The following SH3D19 variants were observed in gnomAD, a reference collection of about 807,000 sequenced individuals.
SH3D19 encodes the protein SH3 domain containing 19.
SH3D19 carries 58 observed loss-of-function variants against 112.1 expected under a neutral mutation model. That is an observed-to-expected ratio of 0.52 (90% CI 0.42 to 0.64). The LOEUF (loss-of-function observed/expected upper bound fraction) is 0.64. SH3D19 is among the 30% of genes least tolerant of loss of function. The pLI is 0.00. For synonymous variants in SH3D19, 391 were observed against 448.5 expected, an observed-to-expected ratio of 0.87 and a Z score of 1.62; for missense variants, 1,090 against 1,263.4, an observed-to-expected ratio of 0.86 and a Z score of 2.08.
At chr4:151,215,055 C>G (rs1358777485) in intron 2 of SH3D19, among the ~76,000 whole-genome samples, 1 of 148,798 alleles carries the variant, frequency 6.7e-6, no homozygotes, top group Admixed American at 6.7e-5. Context: ...AAAGGCGCTC[C>G]CCACATCTCA....
At chr4:151,209,496 T>A (rs1248675701) in intron 2 of SH3D19, among the ~76,000 whole-genome samples, 3 of 152,050 alleles carry the variant, frequency 2.0e-5, no homozygotes, top group Non-Finnish European at 4.4e-5. Context: ...GCCAGGCTGG[T>A]CCCGAACTCC....
intron 1 of SH3D19, among the ~76,000 whole-genome samples, chr4:151,257,592 T>C (rs1258588541): frequency 6.6e-6 from 1 of 151,756 alleles, no homozygotes; most frequent in Non-Finnish European, 1.5e-5. Context: ...ATGTTATTAA[T>C]CATCATCATC....
At chr4:151,132,795 C>A (rs1751003166) in intron 16 of SH3D19, among the ~76,000 whole-genome samples, 1 of 152,108 alleles carries the variant, frequency 6.6e-6, no homozygotes, top group African/African-American at 2.4e-5. Flanking sequence ...GCCATCATAC[C>A]CAGCCTCTTT....
At chr4:151,132,414 G>A in intron 16 of SH3D19, 31 bp from the exon 17 acceptor site, 1 of 1,601,306 alleles carries the variant, frequency 6.2e-7, no homozygotes, top group Non-Finnish European at 8.5e-7. Context: ...AACACAAGAA[G>A]TCAGAACATT....
intron 1 of SH3D19, among the ~76,000 whole-genome samples, chr4:151,265,908 T>C (rs980830093): frequency 6.6e-6 from 1 of 152,070 alleles, no homozygotes; most frequent in Non-Finnish European, 1.5e-5. Flanking sequence ...TACAGCAGCT[T>C]TGGAAAATTA....
intron 1 of SH3D19, among the ~76,000 whole-genome samples, chr4:151,238,916 C>A (rs1025313256): frequency 6.6e-6 from 1 of 152,112 alleles, no homozygotes; most frequent in Non-Finnish European, 1.5e-5. Context: ...CATTAACTTC[C>A]ATCCAGACAA....
chr4:151,187,991 C>G (rs187647056), intron 2 of SH3D19, among the ~76,000 whole-genome samples: 6 of 152,252 alleles, frequency 3.9e-5, no homozygotes, highest in Admixed American at 6.5e-5. Flanking sequence ...TCTCTCTCCC[C>G]CTTCTTTCTC....
intron 4 of SH3D19, among the ~76,000 whole-genome samples, chr4:151,177,961 C>T (rs1350950417): frequency 1.3e-5 from 2 of 152,208 alleles, no homozygotes; most frequent in Non-Finnish European, 2.9e-5. Flanking sequence ...CAGGGCCTCA[C>T]TCTGTTGCCC....
chr4:151,292,041 G>C (rs1775377754), intron 1 of SH3D19, among the ~76,000 whole-genome samples: 1 of 152,206 alleles, frequency 6.6e-6, no homozygotes, highest in Non-Finnish European at 1.5e-5. Context: ...AGGCATGTTG[G>C]CTCACACCTG....
intron 1 of SH3D19, among the ~76,000 whole-genome samples, chr4:151,313,065 G>T (rs1438629541): frequency 6.8e-6 from 1 of 147,084 alleles, no homozygotes; most frequent in East Asian, 2.0e-4. Flanking sequence ...CTCCAGCCTG[G>T]GCAATGAGCG....
intron 3 of SH3D19, among the ~76,000 whole-genome samples, chr4:151,179,692 T>C (rs1008279589): frequency 6.6e-6 from 1 of 152,192 alleles, no homozygotes; most frequent in African/African-American, 2.4e-5. Context: ...AGCTATTAAA[T>C]ATAAATTGCA....
At chr4:151,197,763 A>G (rs1763691855) in intron 2 of SH3D19, among the ~76,000 whole-genome samples, 1 of 152,086 alleles carries the variant, frequency 6.6e-6, no homozygotes, top group Admixed American at 6.6e-5. Context: ...CTAATAAGGG[A>G]TAATAGTGGT....
intron 17 of SH3D19, among the ~76,000 whole-genome samples, chr4:151,130,202 G>A (rs992274154): frequency 6.6e-6 from 1 of 152,160 alleles, no homozygotes; most frequent in Non-Finnish European, 1.5e-5. Flanking sequence ...AGTACCTTGG[G>A]AGGCTGAGGC....
At chr4:151,250,704 C>T (rs1258743534) in intron 1 of SH3D19, among the ~76,000 whole-genome samples, 2 of 152,144 alleles carry the variant, frequency 1.3e-5, no homozygotes, top group African/African-American at 4.8e-5. Context: ...AGGAGTCAAA[C>T]CTATTAATAT....
chr4:151,305,579 A>C (rs1728839164), intron 1 of SH3D19, among the ~76,000 whole-genome samples: 1 of 152,232 alleles, frequency 6.6e-6, no homozygotes, highest in Admixed American at 6.5e-5. Context: ...ATTAGCCAAA[A>C]GGAAAATGTA....
At chr4:151,189,017 A>G (rs1005054255) in intron 2 of SH3D19, among the ~76,000 whole-genome samples, 5 of 152,206 alleles carry the variant, frequency 3.3e-5, no homozygotes, top group East Asian at 1.9e-4. Flanking sequence ...GAAATCACCT[A>G]TGAGTTTCAG....
intron 2 of SH3D19, among the ~76,000 whole-genome samples, chr4:151,225,255 A>G (rs1343493447): frequency 2.0e-5 from 3 of 152,220 alleles, no homozygotes; most frequent in Non-Finnish European, 4.4e-5. Flanking sequence ...TAAAACATCA[A>G]AAAAGGTGGT....
intron 1 of SH3D19, among the ~76,000 whole-genome samples, chr4:151,270,831 A>C (rs761729779): frequency 6.6e-6 from 1 of 152,262 alleles, no homozygotes; most frequent in Non-Finnish European, 1.5e-5. Flanking sequence ...TTCACAAAAA[A>C]TTTCTTGTCC....
At chr4:151,149,455 C>G in intron 10 of SH3D19, 45 bp downstream of exon 10, 1 of 1,494,998 alleles carries the variant, frequency 6.7e-7, no homozygotes, top group South Asian at 1.2e-5. Flanking sequence ...AGAGTTGGGT[C>G]TCTGAGTCAT....
Sources: allele counts gnomAD v4.1 joint callset (sites outside exome capture counted in the v4.1 genomes callset), GRCh38; gene constraint gnomAD v4.1.1; transcripts MANE v1.5; gene names NCBI Gene and HGNC (gene_info 2026-07-23, HGNC 2026-07-21).